ANO3: variants seen among roughly 807,000 people sequenced by gnomAD.
The protein encoded by ANO3 is anoctamin 3, also known as anoctamin-3.
Under a neutral mutation model 144.8 loss-of-function variants are expected in ANO3, and 99 were observed. The observed-to-expected ratio is 0.68, with a 90% CI of 0.58 to 0.81. The LOEUF (loss-of-function observed/expected upper bound fraction) is 0.81. Ranked by LOEUF, ANO3 falls within the 30% of genes least tolerant of loss-of-function variation. ANO3 has a pLI of 0.00. For missense variants in ANO3, 905 were observed against 1,202.2 expected (o/e 0.75, Z 3.66); for synonymous variants, 414 against 392.6 (o/e 1.05, Z -0.64).
chr11:26,481,028 A>G (rs1007044272), intron 4 of ANO3, among the ~76,000 whole-genome samples: 5 of 152,102 alleles, frequency 3.3e-5, no homozygotes, highest in Non-Finnish European at 4.4e-5. Context: ...ACACACCTCA[A>G]TGGGTATTTG....
intron 1 of ANO3, among the ~76,000 whole-genome samples, chr11:26,380,439 C>T (rs1161784082): frequency 6.6e-6 from 1 of 152,122 alleles, no homozygotes; most frequent in African/African-American, 2.4e-5. Context: ...ATGTATTGCT[C>T]ACAGTTCTGG....
At chr11:26,449,167 T>C (rs1858821380) in intron 3 of ANO3, among the ~76,000 whole-genome samples, 1 of 152,178 alleles carries the variant, frequency 6.6e-6, no homozygotes, top group South Asian at 2.1e-4. Context: ...GTGTTCCTTG[T>C]TCACAATAAA....
intron 1 of ANO3, among the ~76,000 whole-genome samples, chr11:26,231,071 G>C (rs765934056): frequency 4.0e-5 from 6 of 151,768 alleles, no homozygotes; most frequent in Non-Finnish European, 7.4e-5. Context: ...TAGACACGGG[G>C]TTTCAACATG....
intron 26 of ANO3, among the ~76,000 whole-genome samples, chr11:26,658,377 G>A (rs1251676816): frequency 6.6e-6 from 1 of 152,022 alleles, no homozygotes; most frequent in African/African-American, 2.4e-5. Flanking sequence ...ACTTTGGGAG[G>A]CCCAGGCAGG....
intron 1 of ANO3, among the ~76,000 whole-genome samples, chr11:26,433,321 A>C (rs1485966408): frequency 6.6e-6 from 1 of 152,166 alleles, no homozygotes; most frequent in Non-Finnish European, 1.5e-5. Flanking sequence ...CTACGTATAC[A>C]ATCATGTCAT....
At chr11:26,331,163 A>G (rs1489605905), upstream of ANO3, among the ~76,000 whole-genome samples, 1 of 152,152 alleles carries the variant, frequency 6.6e-6, no homozygotes, top group Non-Finnish European at 1.5e-5. Context: ...TGGGGGAACA[A>G]CACACACTGG....
intron 1 of ANO3, chr11:26,286,082 T>C (rs1853800306): frequency 6.6e-6 from 1 of 152,184 alleles, no homozygotes; most frequent in Non-Finnish European, 1.5e-5. Flanking sequence ...TCATAACAGA[T>C]GGCCGTTAGC....
At chr11:26,637,774 T>A (rs1853009093) in intron 20 of ANO3, among the ~76,000 whole-genome samples, 1 of 61,832 alleles carries the variant, frequency 1.6e-5, no homozygotes, top group Non-Finnish European at 5.3e-5. Context: ...GCAGGCTCTT[T>A]GTGTCTTATT....
In ANO3 at chr11:26,639,221, C is replaced by T. The variant is rs1309503010; in HGVS notation, c.2121C>T (p.Asn707=). ...TGTTTTTGAAGCAAATATGGAACAA[C>T]TTCATGGAACTAGGATACCCGTGAG... ...VIMFLKQIWN[N]FMELGYPLIQ... The change falls in exon 21 of 27, where the codon AAC becomes AAT. Residue 707 remains asparagine (N), a synonymous_variant. Coordinates refer to ENST00000256737, the MANE Select transcript of ANO3 (RefSeq NM_031418.4). 1.2e-6 allele frequency: 2 copies of T among 1,613,188 alleles called. No homozygotes were observed. Among genetic ancestry groups the T allele is most frequent in the South Asian group, 1.1e-5 (1 of 91,054 alleles).
chr11:26,316,258 C>A (rs760712271), intron 1 of ANO3, among the ~76,000 whole-genome samples: 10 of 152,086 alleles, frequency 6.6e-5, no homozygotes, highest in African/African-American at 2.4e-4. Context: ...TCTGGTCCTG[C>A]GATGCCACCA....
rs184278875 is a variant in ANO3, at chr11:26,395,728, A to G, written c.47-46190A>G. ...CCTATTTAATAAATGGTGTTGGGAA[A>G]ACTGGCTAGCCATATACAGAAAACT... On this transcript the variant is annotated intron_variant, in intron 1 of 26. Coordinates refer to ENST00000256737, the MANE Select transcript of ANO3 (RefSeq NM_031418.4). Among the ~76,000 whole-genome samples the G allele has an allele frequency of 9.9e-3, 1,381 of 139,374 alleles. 7 individuals carry two copies. The highest frequency in any genetic ancestry group is 0.014 in the Non-Finnish European group (914 of 65,022). 91.4% of individuals were successfully genotyped at this position (139,374 alleles called of 152,430 possible).
intron 1 of ANO3, among the ~76,000 whole-genome samples, chr11:26,292,789 C>T (rs755193342): frequency 2.0e-5 from 3 of 152,208 alleles, no homozygotes; most frequent in African/African-American, 4.8e-5. Flanking sequence ...CTGATCCTTC[C>T]TCTGGAAGCT....
intron 1 of ANO3, among the ~76,000 whole-genome samples, chr11:26,290,267 C>A (rs977233448): frequency 2.6e-5 from 4 of 152,078 alleles, no homozygotes; most frequent in African/African-American, 9.7e-5. Context: ...TCCCCTTTAT[C>A]ATTTTTTATC....
At chr11:26,278,398 T>A (rs1015708209) in intron 1 of ANO3, among the ~76,000 whole-genome samples, 1 of 152,146 alleles carries the variant, frequency 6.6e-6, no homozygotes, top group African/African-American at 2.4e-5. Flanking sequence ...AGGGTTTTAG[T>A]GGTGTTGAGA....
intron 1 of ANO3, among the ~76,000 whole-genome samples, chr11:26,438,942 G>A (rs1047243714): frequency 1.7e-4 from 26 of 152,174 alleles, no homozygotes; most frequent in African/African-American, 3.9e-4. Context: ...AACTTACTGC[G>A]AAGCTACAAT....
chr11:26,639,378 A>C, intron 21 of ANO3, 137 bp downstream of exon 21: 1 of 629,640 alleles, frequency 1.6e-6, no homozygotes, highest in East Asian at 2.8e-5. Context: ...TCCTTACTAA[A>C]TGTCTGCCCA....
At chr11:26,361,710 C>T (rs1378318530) in intron 1 of ANO3, among the ~76,000 whole-genome samples, 6 of 152,088 alleles carry the variant, frequency 3.9e-5, no homozygotes, top group East Asian at 1.9e-4. Flanking sequence ...AGAAAGGAGG[C>T]GCCCTTTACA....
Position 26,233,008 on chromosome 11 carries a change from GAGATCGAGACAT to G in ANO3, c.154+43679_154+43690del, listed in dbSNP as rs1288504762. On this transcript the variant is annotated intron_variant, in intron 1 of 27. Coordinates refer to the ANO3 transcript ENST00000672621. ...CGAGGCAGGCGGATCACGAGGTCAG[GAGATCGAGACAT>G]CCTGGCTAACACGGTGAAACCCCGT... Among the ~76,000 whole-genome samples, 1,036 of 152,216 alleles carry G rather than the reference GAGATCGAGACAT, an allele frequency of 6.8e-3. 12 individuals carry two copies. The highest frequency in any genetic ancestry group is 0.024 in the African/African-American group (1,000 of 41,534).
intron 14 of ANO3, chr11:26,561,192 T>A: frequency 6.2e-7 from 1 of 1,612,120 alleles, no homozygotes; most frequent in Non-Finnish European, 8.5e-7. Flanking sequence ...AAAACTCACA[T>A]CATAAGGTTC....
Sources: gnomAD v4.1 joint callset for allele counts (sites outside exome capture counted in the v4.1 genomes callset) on GRCh38, gnomAD v4.1.1 for gene constraint, MANE v1.5 for transcripts, NCBI Gene and HGNC (gene_info 2026-07-23, HGNC 2026-07-21) for gene names.